Variants in LRP1 observed in about 807,000 individuals in gnomAD.
LRP1 encodes prolow-density lipoprotein receptor-related protein 1.
LRP1 carries 51 observed loss-of-function variants against 541.5 expected under a neutral mutation model. That is an observed-to-expected ratio of 0.09 (90% CI 0.08 to 0.12). LRP1 has a LOEUF of 0.12. Ranked by LOEUF, LRP1 falls within the 10% of genes least tolerant of loss-of-function variation. The pLI, the probability that LRP1 is intolerant of heterozygous loss-of-function variation, is 1.00. For synonymous variants in LRP1, 2,219 were observed against 2,470.8 expected (o/e 0.90, Z 3.02); for missense variants, 3,878 against 6,376.2 (o/e 0.61, Z 13.34).
chr12:57,175,422 C>T (rs747041407), intron 22 of LRP1, 38 bp from the exon 23 acceptor site: 1 of 1,608,820 alleles, frequency 6.2e-7, no homozygotes, highest in Non-Finnish European at 8.5e-7. Flanking sequence ...CTCTCAGCTT[C>T]TGACCCTGGG....
At chr12:57,131,850 C>T (rs1198560646) in intron 1 of LRP1, among the ~76,000 whole-genome samples, 1 of 152,130 alleles carries the variant, frequency 6.6e-6, no homozygotes, top group African/African-American at 2.4e-5. Context: ...CCAGATGCCC[C>T]CATTCTTCAA....
In LRP1 at chr12:57,173,940, C is replaced by T. The variant is rs79365493; in HGVS notation, c.3507C>T (p.Asn1169=). ...CCCCTGACAAGCTGTGTGATGGCAACGACGACTGTGGCGACGGCTCAGATG... is the reference window on the plus strand; with the variant it reads ...CCCCTGACAAGCTGTGTGATGGCAATGACGACTGTGGCGACGGCTCAGATG... ...CLPPDKLCDG[N]DDCGDGSDEG... is the part of the protein sequence containing the mutation. Residue 1169 remains asparagine, a synonymous_variant, in exon 22 of 89, where the codon AAC becomes AAT. Coordinates refer to ENST00000243077, the MANE Select transcript of LRP1 (RefSeq NM_002332.3). The surrounding 1 kb of genome is among the most constrained non-coding windows in gnomAD (Gnocchi z 4.7). 2,419 of 1,614,214 alleles carry T rather than the reference C, an allele frequency of 1.5e-3. 57 individuals carry two copies. The East Asian group carries it at 0.046, about 30-fold the overall frequency.
rs1467933608 is a variant in LRP1 at position 57,212,251 on chromosome 12, A to G, written c.13484A>G (p.Asp4495Gly). ...CTACTGGACGCTGACTTTGCCCTGGACCCTGACAAGGTGGGCTGGGAGGCG... is the reference window on the plus strand; with the variant it reads ...CTACTGGACGCTGACTTTGCCCTGGGCCCTGACAAGGTGGGCTGGGAGGCG... ...GGLLDADFAL[D>G]PDKPTNFTNP... The change falls in exon 88 of 89, where the codon GAC becomes GGC. Residue 4495 changes from aspartate to glycine, a missense_variant. Asp to Gly is a moderately conservative substitution (Grantham distance 94, BLOSUM62 -1). Coordinates refer to ENST00000243077, the MANE Select transcript of LRP1 (RefSeq NM_002332.3). The surrounding 1 kb of genome is among the most constrained non-coding windows in gnomAD (Gnocchi z 5.0). 1 of 1,613,164 alleles carries G rather than the reference A, an allele frequency of 6.2e-7. No individual in the cohort carries two copies. The highest frequency in any genetic ancestry group is 8.5e-7 in the Non-Finnish European group (1 of 1,179,662).
intron 32 of LRP1, 45 bp downstream of exon 32, chr12:57,180,524 G>GCCAGA (rs2036142727): frequency 1.9e-6 from 3 of 1,610,410 alleles, no homozygotes; most frequent in Non-Finnish European, 2.5e-6. Flanking sequence ...AGCAGGCCAG[G>GCCAGA]CCAGACCTAC....
In LRP1 at chr12:57,156,474, C is replaced by G. The variant is rs2035622677; in HGVS notation, c.1417+191C>G. Among the ~76,000 whole-genome samples the G allele has an allele frequency of 6.6e-6, 1 of 152,234 alleles. No homozygotes were observed. The highest frequency in any genetic ancestry group is 1.5e-5 in the Non-Finnish European group (1 of 68,042). The stretch of plus-strand genomic sequence containing the variant: ...AGCTTCCCCTGCCAGCCCCCATCCA[C>G]CCACTCAGCCTCCAGATCCCACTCT... On this transcript the variant is annotated intron_variant, in intron 9 of 88. Transcript: ENST00000243077. The surrounding 1 kb of genome is among the most constrained non-coding windows in gnomAD (Gnocchi z 5.2).
At position 57,212,140 on chromosome 12, in the gene LRP1, G is replaced by A. The variant is rs775810492; in HGVS notation, c.13373G>A (p.Arg4458Gln). The A allele has an allele frequency of 3.1e-6, 5 of 1,613,970 alleles. No homozygotes were observed. The highest frequency in any genetic ancestry group is 2.2e-5 in the South Asian group (2 of 91,076). The change falls in exon 88 of 89, where the codon CGG (arginine) becomes CAG (glutamine). Residue 4458 changes from arginine (R) to glutamine (Q), a missense_variant. Arg to Gln is a conservative substitution (Grantham distance 43, BLOSUM62 1). This residue lies in a region of LRP1 where 871 missense variants were observed against 1,212.4 expected (regional missense o/e 0.72). Coordinates refer to ENST00000243077, the MANE Select transcript of LRP1 (RefSeq NM_002332.3). The surrounding 1 kb of genome is among the most constrained non-coding windows in gnomAD (Gnocchi z 5.0). ...AGGGCTAAGGGCTTCCAGCACCAAC[G>A]GATGACCAACGGGGCCATGAACGTG... ...VQGAKGFQHQRMTNGAMNVEI... is the reference protein window; with the variant it reads ...VQGAKGFQHQQMTNGAMNVEI...
In LRP1 at chr12:57,191,341, G is replaced by A; in HGVS notation, c.7258G>A (p.Val2420Ile). 6.2e-7 allele frequency: 1 copy of A among 1,608,344 alleles called. No individual in the cohort carries two copies. Among genetic ancestry groups the A allele is most frequent in the East Asian group, 2.2e-5 (1 of 44,740 alleles). Residue 2420 changes from valine to isoleucine, a missense_variant, in exon 44 of 89, where the codon GTC becomes ATC. By Grantham distance (29) the Val-to-Ile change is conservative. Transcript: ENST00000243077. ...HRYVILKSEP[V>I]HPFGLAVYGE... ...ACAGGTGATCCTAAAGTCAGAGCCT[G>A]TCCACCCCTTCGGGCTGGCCGTGTA... is the stretch of plus-strand genomic sequence containing the variant.
rs2036654798 is a variant in LRP1 at position 57,201,502 on chromosome 12, G to A, written c.10351G>A (p.Val3451Met). 1 of 1,612,340 alleles carries A rather than the reference G, an allele frequency of 6.2e-7. No homozygotes were observed. The highest frequency in any genetic ancestry group is 1.7e-5 in the Admixed American group (1 of 59,844). The change falls in exon 66 of 89, where the codon GTG becomes ATG. Residue 3451 changes from valine (V) to methionine (M), a missense_variant. By Grantham distance (21) the Val-to-Met change is conservative (BLOSUM62 1). Transcript: ENST00000243077. The surrounding 1 kb of genome is among the most constrained non-coding windows in gnomAD (Gnocchi z 6.4). Reference sequence around the variant, plus strand: ...TTCTCTTGCCCACCCCACAGCCGAGGTGACCTGCGCCCCCAACCAGTTCCA... The same window carrying A: ...TTCTCTTGCCCACCCCACAGCCGAGATGACCTGCGCCCCCAACCAGTTCCA... ...DGEDERDCPE[V>M]TCAPNQFQCS...
In LRP1 at chr12:57,165,788, T is replaced by C; in HGVS notation, c.2531-17T>C. 1 of 1,611,468 alleles carries C rather than the reference T, an allele frequency of 6.2e-7. No homozygotes were observed. The highest frequency in any genetic ancestry group is 2.2e-5 in the East Asian group (1 of 44,742). The stretch of plus-strand genomic sequence containing the variant: ...CGGGGTCTGACTTTCCCCCTCACGA[T>C]CCTGTGGTGCCCACAGCGAACCCAT... On this transcript the variant is annotated splice_polypyrimidine_tract_variant and intron_variant, in intron 15 of 88. Transcript: ENST00000243077. This position sits in a 1 kb window ranked among gnomAD's most constrained non-coding sequence, Gnocchi z 4.5.
chr12:57,194,500 C>T lies in LRP1; in HGVS notation c.8065C>T (p.Pro2689Ser). ...GGACTACAGTGATGAGCGCGACTGC[C>T]CAGGTGGGCGGGGGCAGGTGTGTGG... ...CGDYSDERDCPGVKRPRCPLN... is the reference protein window; with the variant it reads ...CGDYSDERDCSGVKRPRCPLN... The change falls in exon 49 of 89, where the codon CCA (proline) becomes TCA (serine). Residue 2689 changes from proline to serine, a missense_variant. Physicochemically the swap from Pro to Ser is moderately conservative, Grantham distance 74 (BLOSUM62 -1). Coordinates refer to ENST00000243077, the MANE Select transcript of LRP1 (RefSeq NM_002332.3). 5.0e-6 allele frequency: 8 copies of T among 1,608,124 alleles called. No homozygotes were observed. The highest frequency in any genetic ancestry group is 6.8e-6 in the Non-Finnish European group (8 of 1,177,600).
At position 57,187,480 on chromosome 12, in the gene LRP1, G is replaced by T. The variant is rs774950293; in HGVS notation, c.7031+24G>T. 12 of 1,601,614 alleles carry T rather than the reference G, an allele frequency of 7.5e-6. No individual in the cohort carries two copies. The East Asian group carries it at 2.2e-4, about 30-fold the overall frequency. On this transcript the variant is annotated intron_variant, in intron 42 of 88. Coordinates refer to ENST00000243077, the MANE Select transcript of LRP1 (RefSeq NM_002332.3). ...AAGTGAGCTGCTGCCTGGGGATGGG[G>T]GTAGCAGGGAGAGGTGGGACTCGGG...
Position 57,195,298 on chromosome 12 carries a change from T to C in LRP1, c.8336T>C (p.Phe2779Ser). ...GGCAAGACGTGCGGCCCCTCCTCCT[T>C]CTCCTGCCCTGGCACCCACGTGTGC... The part of the protein sequence containing the change: ...CEGKTCGPSS[F>S]SCPGTHVCVP... Residue 2779 changes from phenylalanine to serine, a missense_variant, in exon 52 of 89, where the codon TTC (phenylalanine) becomes TCC (serine). Physicochemically the swap from Phe to Ser is radical, Grantham distance 155. Around this residue, in one of 13 missense-constraint regions of LRP1, gnomAD observed 1,100 missense variants for 1,827.4 expected, o/e 0.60. Transcript: ENST00000243077. 1 of 1,613,776 alleles carries C rather than the reference T, an allele frequency of 6.2e-7. No individual in the cohort carries two copies. Among genetic ancestry groups the C allele is most frequent in the Non-Finnish European group, 8.5e-7 (1 of 1,179,978 alleles).
rs140204790 is a variant in LRP1, at chr12:57,138,542, A to G, written c.151A>G (p.Arg51Gly). 8 of 1,614,046 alleles carry G rather than the reference A, an allele frequency of 5.0e-6. No individual in the cohort carries two copies. The highest frequency in any genetic ancestry group is 6.8e-6 in the Non-Finnish European group (8 of 1,179,978). Residue 51 changes from arginine (R) to glycine (G), a missense_variant, in exon 2 of 89, where the codon AGG becomes GGG. Coordinates refer to ENST00000243077, the MANE Select transcript of LRP1 (RefSeq NM_002332.3). The stretch of plus-strand genomic sequence containing the variant: ...AAAGGGCTGGCGGTGCGACGGTGAG[A>G]GGGACTGCCCAGACGGATCTGACGA... ...ISKGWRCDGE[R>G]DCPDGSDEAP... is the part of the protein sequence containing the mutation.
At position 57,152,453 on chromosome 12, in the gene LRP1, A is replaced by C. The variant is rs573518764; in HGVS notation, c.842-1755A>C. Among the ~76,000 whole-genome samples the C allele has an allele frequency of 2.4e-3, 364 of 152,208 alleles. 2 individuals are homozygous for C. Among genetic ancestry groups the C allele is most frequent in the Non-Finnish European group, 4.3e-3 (292 of 67,990 alleles). On this transcript the variant is annotated intron_variant, in intron 6 of 88. Coordinates refer to ENST00000243077, the MANE Select transcript of LRP1 (RefSeq NM_002332.3). ...CAGCCACCCTGCTGGCTGCCAGGGG[A>C]TGCAGGCAGGTCCCTGCTTTGAGAC...
chr12:57,137,951 T>C (rs2035208286), intron 1 of LRP1, among the ~76,000 whole-genome samples: 1 of 152,004 alleles, frequency 6.6e-6, no homozygotes, highest in African/African-American at 2.4e-5. Flanking sequence ...TCTGGGGGCC[T>C]AGTGATTAGG....
Position 57,207,982 on chromosome 12 carries a change from G to T in LRP1, c.11860-56G>T, listed in dbSNP as rs991952182. ...CAGCAGGCTGGCAGAGTGGTGGCGG[G>T]GGGATAATGGCAGGAAGACAAAGCA... On this transcript the variant is annotated intron_variant, in intron 76 of 88. Coordinates refer to ENST00000243077, the MANE Select transcript of LRP1 (RefSeq NM_002332.3). The T allele has an allele frequency of 2.5e-6, 4 of 1,582,454 alleles. No individual in the cohort carries two copies. The Admixed American group carries it at 5.1e-5, about 20-fold the overall frequency.
intron 6 of LRP1, chr12:57,149,988 G>A: frequency 1.9e-6 from 1 of 526,738 alleles, no homozygotes; most frequent in Non-Finnish European, 3.4e-6. Context: ...GTAGAAGAGA[G>A]GGGGAAAATG....
chr12:57,181,856 C>T (rs994576076), intron 34 of LRP1, among the ~76,000 whole-genome samples: 8 of 152,180 alleles, frequency 5.3e-5, no homozygotes, highest in African/African-American at 1.7e-4. Flanking sequence ...GAAACCCAGA[C>T]GCATTTCACA....
At chr12:57,181,865 C>T (rs2036172342) in intron 34 of LRP1, among the ~76,000 whole-genome samples, 1 of 152,190 alleles carries the variant, frequency 6.6e-6, no homozygotes, top group Non-Finnish European at 1.5e-5. Context: ...ACGCATTTCA[C>T]AAGAACCTGC....
Sources: allele counts gnomAD v4.1 joint callset (sites outside exome capture counted in the v4.1 genomes callset), GRCh38; gene constraint gnomAD v4.1.1; regional missense constraint gnomAD v4.1.1; non-coding constraint Gnocchi (gnomAD v3.1); transcripts MANE v1.5; gene names NCBI Gene and HGNC (gene_info 2026-07-23, HGNC 2026-07-21).